Variants in PCDHA9 observed in about 807,000 individuals in gnomAD.
The protein encoded by PCDHA9 is protocadherin alpha-9.
In PCDHA9, 62 loss-of-function variants were observed where a neutral mutation model predicts 62.0. The observed-to-expected ratio is 1.00, with a 90% CI of 0.81 to 1.23. The LOEUF (loss-of-function observed/expected upper bound fraction) is 1.23. Among genes scored for constraint, PCDHA9 ranks in the 50% most tolerant of loss-of-function variants. The pLI is 0.00. For synonymous variants in PCDHA9, 557 were observed against 567.6 expected, an observed-to-expected ratio of 0.98 and a Z score of 0.27; for missense variants, 1,205 against 1,249.8, an observed-to-expected ratio of 0.96 and a Z score of 0.54.
chr5:141,006,505 G>A (rs2098276412), intron 3 of PCDHA9, among the ~76,000 whole-genome samples: 2 of 152,020 alleles, frequency 1.3e-5, no homozygotes, highest in African/African-American at 4.8e-5. Flanking sequence ...GAGCCACCGC[G>A]CCTGGCTGTT....
chr5:140,898,004 T>C (rs2066460029), intron 1 of PCDHA9, among the ~76,000 whole-genome samples: 1 of 152,210 alleles, frequency 6.6e-6, no homozygotes, highest in East Asian at 1.9e-4. Context: ...GAAGTGTCTG[T>C]TCATATCCTT....
intron 1 of PCDHA9, among the ~76,000 whole-genome samples, chr5:140,881,170 T>C (rs1442098863): frequency 1.3e-5 from 2 of 152,246 alleles, no homozygotes; most frequent in Non-Finnish European, 1.5e-5. Flanking sequence ...CCTCTTCCTC[T>C]TTTCCTTGCT....
At chr5:140,993,523 C>CAG (rs111789518) in intron 3 of PCDHA9, among the ~76,000 whole-genome samples, 24 of 145,748 alleles carry the variant, frequency 1.6e-4, no homozygotes, top group African/African-American at 5.0e-4. Flanking sequence ...GAGAGAGAGA[C>CAG]AGAGAGAGAG....
At chr5:140,906,443 G>GAAATAA (rs1554192538) in intron 1 of PCDHA9, among the ~76,000 whole-genome samples, 1 of 152,068 alleles carries the variant, frequency 6.6e-6, no homozygotes, top group Non-Finnish European at 1.5e-5. Flanking sequence ...AACAAGAAAG[G>GAAATAA]AAATAAAATG....
rs376660293 is a variant in PCDHA9 at position 141,011,766 on chromosome 5, A to C, written c.*1829A>C. ...ACCAATCTGACCTCTTTGAAGTTGCAGAATGCTTTGAAATTCTAATGGTAT... is the reference window on the plus strand; with the variant it reads ...ACCAATCTGACCTCTTTGAAGTTGCCGAATGCTTTGAAATTCTAATGGTAT... On this transcript the variant is annotated 3_prime_UTR_variant, in exon 4 of 4. Transcript: ENST00000532602. 2.6e-5 allele frequency: 4 copies of C among 153,796 alleles called. No homozygotes were observed. Among genetic ancestry groups the C allele is most frequent in the Non-Finnish European group, 5.9e-5 (4 of 68,044 alleles). 9.5% of individuals were successfully genotyped at this position (153,796 alleles called of 1,614,324 possible).
At chr5:140,990,130 G>A (rs1448603304) in intron 3 of PCDHA9, among the ~76,000 whole-genome samples, 1 of 152,066 alleles carries the variant, frequency 6.6e-6, no homozygotes, top group Admixed American at 6.6e-5. Flanking sequence ...GTAGAAGTCA[G>A]ACTCAAGAGG....
intron 1 of PCDHA9, chr5:140,856,567 A>C: frequency 6.3e-7 from 1 of 1,597,710 alleles, no homozygotes; most frequent in Non-Finnish European, 8.6e-7. Flanking sequence ...AACTCAGTCC[A>C]AATGAGTATT....
intron 1 of PCDHA9, among the ~76,000 whole-genome samples, chr5:140,963,448 A>G (rs567394961): frequency 1.3e-5 from 2 of 152,370 alleles, no homozygotes; most frequent in Non-Finnish European, 2.9e-5. Flanking sequence ...CTCTGTTGCT[A>G]AAGTATTTCT....
At chr5:140,905,910 A>G (rs2153491860) in intron 1 of PCDHA9, among the ~76,000 whole-genome samples, 1 of 152,334 alleles carries the variant, frequency 6.6e-6, no homozygotes, top group Admixed American at 6.5e-5. Context: ...GGAGCAAGGA[A>G]TCCAATCTGA....
chr5:140,929,665 AGAAT>A (rs2086286980), intron 1 of PCDHA9: 2 of 332,822 alleles, frequency 6.0e-6, no homozygotes, highest in East Asian at 1.0e-4. Flanking sequence ...TTTAAAGTGA[AGAAT>A]GAAAAATATG....
At chr5:141,000,419 ATATTTTTTT>A (rs2097927194) in intron 3 of PCDHA9, among the ~76,000 whole-genome samples, 6 of 60,996 alleles carry the variant, frequency 9.8e-5, no homozygotes, top group Non-Finnish European at 1.1e-4. Flanking sequence ...ATATATATAT[ATATTTTTTT>A]TTTTTTTTTT....
At chr5:140,871,209 C>T (rs955703694) in intron 1 of PCDHA9, 19 of 1,613,704 alleles carry the variant, frequency 1.2e-5, no homozygotes, top group East Asian at 4.5e-5. Flanking sequence ...TGATCATCGC[C>T]ATCTGCGTGG....
intron 1 of PCDHA9, chr5:140,869,991 A>G (rs1554163685): frequency 1.9e-6 from 3 of 1,613,542 alleles, no homozygotes; most frequent in Non-Finnish European, 2.5e-6. Flanking sequence ...CACTAGATCA[A>G]AATAATGGAG....
Position 140,857,604 on chromosome 5 carries a change from T to C in PCDHA9, c.2394+6715T>C, listed in dbSNP as rs1294714828. On this transcript the variant is annotated intron_variant, in intron 1 of 3. Transcript: ENST00000532602. ...GCGGAGAGCGGCAAGGTGTACGCGC[T>C]GCAGCCGCTGGACCACGAGGAGCTG... 5.0e-6 allele frequency: 8 copies of C among 1,596,244 alleles called. 1 individual carries two copies. Among genetic ancestry groups the C allele is most frequent in the Non-Finnish European group, 6.9e-6 (8 of 1,167,658 alleles).
chr5:140,858,642 T>C, intron 1 of PCDHA9: 1 of 930,744 alleles, frequency 1.1e-6, no homozygotes, highest in South Asian at 1.9e-5. Context: ...CTTTGATTGG[T>C]ACTTAAATTT....
intron 1 of PCDHA9, among the ~76,000 whole-genome samples, chr5:140,913,412 T>G (rs2076324998): frequency 6.6e-6 from 1 of 152,222 alleles, no homozygotes; most frequent in African/African-American, 2.4e-5. Context: ...TTTGAATTCC[T>G]GCAGTATCAG....
chr5:140,884,335 A>G, intron 1 of PCDHA9: 1 of 1,613,888 alleles, frequency 6.2e-7, no homozygotes, highest in Non-Finnish European at 8.5e-7. Flanking sequence ...CTGTGGGTCC[A>G]GAAGCGGCGC....
intron 1 of PCDHA9, chr5:140,862,303 T>C (rs2047298994): frequency 3.6e-6 from 1 of 279,072 alleles, no homozygotes; most frequent in South Asian, 4.0e-5. Flanking sequence ...CTCCACTGGG[T>C]ACCGTCATAG....
intron 1 of PCDHA9, among the ~76,000 whole-genome samples, chr5:140,855,367 A>C (rs1244767077): frequency 6.7e-6 from 1 of 150,034 alleles, no homozygotes; most frequent in African/African-American, 2.4e-5. Flanking sequence ...AGTGAGTAGG[A>C]TAATAGGAAT....
Sources: gnomAD v4.1 joint callset for allele counts (sites outside exome capture counted in the v4.1 genomes callset) on GRCh38, gnomAD v4.1.1 for gene constraint, MANE v1.5 for transcripts, NCBI Gene and HGNC (gene_info 2026-07-23, HGNC 2026-07-21) for gene names.